Variants in LOC128706665 observed in about 807,000 individuals in gnomAD.
the LOC128706665 span, among the ~76,000 whole-genome samples, chr20:10,424,500 C>A: frequency 6.7e-4 from 102 of 152,126 alleles, no homozygotes; most frequent in African/African-American, 2.4e-3. Flanking sequence ...TGGATGTATT[C>A]TATTGCCTGC....
the LOC128706665 span, among the ~76,000 whole-genome samples, chr20:10,425,066 AGAAAG>A: frequency 7.3e-6 from 1 of 137,696 alleles, no homozygotes; most frequent in African/African-American, 2.6e-5. Flanking sequence ...AAAAAAAAAA[AGAAAG>A]AAAGAAAATT....
At chr20:10,428,067 A>G in the LOC128706665 span, among the ~76,000 whole-genome samples, 6 of 152,364 alleles carry the variant, frequency 3.9e-5, no homozygotes, top group East Asian at 1.2e-3. Context: ...TGAAAGCATC[A>G]TAAGTCTTAT....
chr20:10,414,265 CTTTTTTTT>C, the LOC128706665 span, among the ~76,000 whole-genome samples: 1 of 132,360 alleles, frequency 7.6e-6, no homozygotes, highest in Non-Finnish European at 1.6e-5. Flanking sequence ...GTCTCTGAGT[CTTTTTTTT>C]TTTTTTTTTG....
At chr20:10,419,381 A>G in the LOC128706665 span, among the ~76,000 whole-genome samples, 1 of 152,178 alleles carries the variant, frequency 6.6e-6, no homozygotes, top group African/African-American at 2.4e-5. Flanking sequence ...TAATCATAAT[A>G]TAGTATAACG....
chr20:10,420,689 C>T, the LOC128706665 span: 1 of 152,200 alleles, frequency 6.6e-6, no homozygotes, highest in Admixed American at 6.5e-5. Context: ...ACTAAAGGGA[C>T]CATAACAACC....
the LOC128706665 span, chr20:10,434,087 C>G: frequency 6.5e-6 from 1 of 152,806 alleles, no homozygotes; most frequent in South Asian, 2.1e-4. Context: ...GCTTTTCCAC[C>G]TAGAGTCCCA....
At chr20:10,430,333 T>G in the LOC128706665 span, among the ~76,000 whole-genome samples, 1 of 152,228 alleles carries the variant, frequency 6.6e-6, no homozygotes, top group African/African-American at 2.4e-5. Flanking sequence ...TCACTTAATC[T>G]CATTGTGCTT....
At chr20:10,414,506 C>T in the LOC128706665 span, among the ~76,000 whole-genome samples, 1 of 152,128 alleles carries the variant, frequency 6.6e-6, no homozygotes, top group Non-Finnish European at 1.5e-5. Flanking sequence ...CTCAGGTGAT[C>T]TGCCCATCTC....
chr20:10,433,381 C>T, the LOC128706665 span, among the ~76,000 whole-genome samples: 1 of 152,210 alleles, frequency 6.6e-6, no homozygotes. Context: ...ATTGTTTCTC[C>T]CCCATCACTA....
the LOC128706665 span, among the ~76,000 whole-genome samples, chr20:10,425,548 C>A: frequency 6.6e-6 from 1 of 152,176 alleles, no homozygotes; most frequent in Non-Finnish European, 1.5e-5. Flanking sequence ...CTGGGAGATC[C>A]AATTTGTGAA....
At chr20:10,421,879 C>T in the LOC128706665 span, among the ~76,000 whole-genome samples, 3 of 151,942 alleles carry the variant, frequency 2.0e-5, no homozygotes, top group Non-Finnish European at 2.9e-5. Context: ...ATCTGGACAA[C>T]CTCTAAAGAC....
chr20:10,414,088 G>C, the LOC128706665 span, among the ~76,000 whole-genome samples: 1 of 152,140 alleles, frequency 6.6e-6, no homozygotes, highest in Non-Finnish European at 1.5e-5. Context: ...GACCAACTTT[G>C]ACTTAAAATT....
chr20:10,427,508 T>C, the LOC128706665 span, among the ~76,000 whole-genome samples: 2 of 152,240 alleles, frequency 1.3e-5, no homozygotes, highest in African/African-American at 2.4e-5. Flanking sequence ...TCTTTTACAA[T>C]GACAATGTTG....
the LOC128706665 span, among the ~76,000 whole-genome samples, chr20:10,428,628 C>T: frequency 2.0e-5 from 3 of 152,124 alleles, no homozygotes. Context: ...CACTTGAGGT[C>T]AGGATTTTGA....
At chr20:10,422,011 G>C in the LOC128706665 span, among the ~76,000 whole-genome samples, 2 of 151,948 alleles carry the variant, frequency 1.3e-5, no homozygotes, top group Admixed American at 6.6e-5. Flanking sequence ...TTGTCTAAAT[G>C]CCATTAGAAA....
chr20:10,426,389 G>A, the LOC128706665 span, among the ~76,000 whole-genome samples: 209 of 151,986 alleles, frequency 1.4e-3, 1 homozygote, highest in African/African-American at 4.8e-3. Flanking sequence ...CTAGCTTGGG[G>A]CATCATGCCT....
the LOC128706665 span, among the ~76,000 whole-genome samples, chr20:10,416,977 T>C: frequency 6.6e-6 from 1 of 151,946 alleles, no homozygotes; most frequent in Non-Finnish European, 1.5e-5. Context: ...TGATCTTTTA[T>C]AGAAAAAAAG....
the LOC128706665 span, chr20:10,420,818 T>C: frequency 6.6e-6 from 1 of 152,220 alleles, no homozygotes; most frequent in Non-Finnish European, 1.5e-5. Context: ...TCCCTTTAAT[T>C]ACATTTCTAA....
the LOC128706665 span, among the ~76,000 whole-genome samples, chr20:10,433,100 C>A: frequency 6.6e-6 from 1 of 152,218 alleles, no homozygotes; most frequent in Non-Finnish European, 1.5e-5. Flanking sequence ...GCCTCCAGGG[C>A]TCAAGCGATT....
Sources: allele counts gnomAD v4.1 joint callset (sites outside exome capture counted in the v4.1 genomes callset), GRCh38; gene constraint gnomAD v4.1.1; transcripts MANE v1.5.